The following CTNND2 variants were observed in gnomAD, a reference collection of about 807,000 sequenced individuals.
The protein encoded by CTNND2 is catenin delta 2.
A neutral mutation model predicts 144.4 loss-of-function variants in CTNND2; 22 were observed. That is an observed-to-expected ratio of 0.15 (90% CI 0.11 to 0.22). The LOEUF (loss-of-function observed/expected upper bound fraction) is 0.22, where lower values mean the gene tolerates loss of function less well. CTNND2 is among the 10% of genes least tolerant of loss of function. CTNND2 has a pLI of 1.00. For synonymous variants in CTNND2, 751 were observed against 695.6 expected (o/e 1.08, Z -1.25); for missense variants, 1,353 against 1,618.8 (o/e 0.84, Z 2.82).
intron 16 of CTNND2, among the ~76,000 whole-genome samples, chr5:11,075,646 G>C (rs928220489): frequency 1.3e-5 from 2 of 152,234 alleles, no homozygotes; most frequent in Non-Finnish European, 2.9e-5. Flanking sequence ...CCACCACCCG[G>C]GGCAGCCAGT....
chr5:11,460,884 A>G (rs1449156034), intron 3 of CTNND2, among the ~76,000 whole-genome samples: 1 of 152,020 alleles, frequency 6.6e-6, no homozygotes, highest in African/African-American at 2.4e-5. Flanking sequence ...ACCAGTCTCT[A>G]CTAAAAATAC....
At chr5:11,143,722 A>G (rs954297687) in intron 12 of CTNND2, among the ~76,000 whole-genome samples, 1 of 152,222 alleles carries the variant, frequency 6.6e-6, no homozygotes, top group African/African-American at 2.4e-5. Context: ...TTTACTCAAA[A>G]CAGCCCCTAA....
At chr5:11,130,662 A>G (rs2149717956) in intron 12 of CTNND2, among the ~76,000 whole-genome samples, 1 of 152,276 alleles carries the variant, frequency 6.6e-6, no homozygotes, top group African/African-American at 2.4e-5. Flanking sequence ...TGCTCCACAA[A>G]CACTCACGTG....
chr5:11,832,298 A>G (rs1248663344), intron 1 of CTNND2, among the ~76,000 whole-genome samples: 1 of 149,522 alleles, frequency 6.7e-6, no homozygotes, highest in African/African-American at 2.5e-5. Context: ...AATAAGAAAG[A>G]AAAAAAAAAC....
At chr5:11,602,457 T>G (rs1779840958) in intron 2 of CTNND2, among the ~76,000 whole-genome samples, 2 of 151,780 alleles carry the variant, frequency 1.3e-5, no homozygotes, top group Non-Finnish European at 2.9e-5. Context: ...TCTTGGCAGT[T>G]GAAGCAAGAA....
intron 2 of CTNND2, among the ~76,000 whole-genome samples, chr5:11,698,199 A>G (rs13162329): frequency 6.6e-6 from 1 of 152,194 alleles, no homozygotes; most frequent in Admixed American, 6.5e-5. Context: ...AAAGCTCCCA[A>G]ACAATACTCC....
At chr5:11,186,714 G>T (rs954343128) in intron 11 of CTNND2, among the ~76,000 whole-genome samples, 1 of 152,192 alleles carries the variant, frequency 6.6e-6, no homozygotes, top group Non-Finnish European at 1.5e-5. Context: ...TAAATGTGTG[G>T]ATTCCCAAGC....
chr5:11,427,444 AT>A (rs1276950748), intron 3 of CTNND2, among the ~76,000 whole-genome samples: 1 of 151,600 alleles, frequency 6.6e-6, no homozygotes, highest in Non-Finnish European at 1.5e-5. Context: ...TGCCCGGCTA[AT>A]TTTTTTGTAT....
chr5:11,237,307 G>C (rs914047228), intron 9 of CTNND2, among the ~76,000 whole-genome samples: 27 of 151,932 alleles, frequency 1.8e-4, no homozygotes, highest in African/African-American at 6.3e-4. Context: ...GCGTGAGCCA[G>C]CGCGCCCAGC....
chr5:11,762,262 A>G (rs1423286194), intron 1 of CTNND2, among the ~76,000 whole-genome samples: 1 of 152,160 alleles, frequency 6.6e-6, no homozygotes, highest in Non-Finnish European at 1.5e-5. Context: ...TTGCCCAGAC[A>G]TCTTATAAAT....
At chr5:11,403,413 A>G (rs1760801171) in intron 5 of CTNND2, among the ~76,000 whole-genome samples, 1 of 152,164 alleles carries the variant, frequency 6.6e-6, no homozygotes, top group Non-Finnish European at 1.5e-5. Context: ...AGGTCACTCA[A>G]TTTCTTTACA....
intron 16 of CTNND2, among the ~76,000 whole-genome samples, chr5:11,035,140 G>A (rs923062257): frequency 4.0e-5 from 6 of 150,674 alleles, no homozygotes; most frequent in Admixed American, 6.7e-5. Context: ...TTCTAATGCT[G>A]CTGTAACAAA....
rs757809631 is a variant in CTNND2 at position 10,981,801 on chromosome 5, G to A, written c.3389C>T (p.Ala1130Val). Residue 1130 changes from alanine (A) to valine (V), a missense_variant, in exon 21 of 22, where the codon GCG becomes GTG. By Grantham distance (64) the Ala-to-Val change is moderately conservative. Coordinates refer to ENST00000304623, the MANE Select transcript of CTNND2 (RefSeq NM_001332.4). ...ISTLYRNSYG[A>V]PAEDIKHNQV... ...GTTGTGTTTGATGTCTTCAGCGGGC[G>A]CACCATAAGAATTCCTATACAAAGT... The A allele has an allele frequency of 5.0e-6, 8 of 1,613,778 alleles. No individual in the cohort carries two copies. The highest frequency in any genetic ancestry group is 2.7e-5 in the African/African-American group (2 of 74,886).
intron 13 of CTNND2, among the ~76,000 whole-genome samples, chr5:11,114,493 A>T (rs902244037): frequency 4.6e-5 from 7 of 152,126 alleles, no homozygotes; most frequent in African/African-American, 1.7e-4. Context: ...TTAATTCAAG[A>T]GCTTTTCTCT....
At chr5:11,382,964 C>G (rs952968588) in intron 7 of CTNND2, among the ~76,000 whole-genome samples, 1 of 152,110 alleles carries the variant, frequency 6.6e-6, no homozygotes, top group African/African-American at 2.4e-5. Flanking sequence ...TTACAATGTA[C>G]TTTTACTACC....
intron 12 of CTNND2, among the ~76,000 whole-genome samples, chr5:11,118,057 G>A (rs557576064): frequency 6.6e-6 from 1 of 152,236 alleles, no homozygotes; most frequent in Non-Finnish European, 1.5e-5. Context: ...ATAGTTAGAG[G>A]TTTCTGTGAC....
chr5:11,453,268 T>C (rs1765447926), intron 3 of CTNND2, among the ~76,000 whole-genome samples: 1 of 152,214 alleles, frequency 6.6e-6, no homozygotes, highest in Non-Finnish European at 1.5e-5. Flanking sequence ...TGTGAGATGG[T>C]GGCACTAGCT....
chr5:11,383,229 C>T (rs1467470269), intron 7 of CTNND2, among the ~76,000 whole-genome samples: 1 of 152,108 alleles, frequency 6.6e-6, no homozygotes, highest in Non-Finnish European at 1.5e-5. Flanking sequence ...CTCCCTGCGC[C>T]TCAGTCTCCT....
chr5:11,383,100 T>C (rs1331755250), intron 7 of CTNND2, among the ~76,000 whole-genome samples: 1 of 152,084 alleles, frequency 6.6e-6, no homozygotes, highest in African/African-American at 2.4e-5. Context: ...AATGATAGAC[T>C]AGAACATGCA....
Sources: allele counts gnomAD v4.1 joint callset (sites outside exome capture counted in the v4.1 genomes callset), GRCh38; gene constraint gnomAD v4.1.1; transcripts MANE v1.5; gene names NCBI Gene and HGNC (gene_info 2026-07-23, HGNC 2026-07-21).